The following CSNK1G1 variants were observed in gnomAD, a reference collection of about 807,000 sequenced individuals.
The protein encoded by CSNK1G1 is casein kinase 1 gamma 1.
Under a neutral mutation model 59.6 loss-of-function variants are expected in CSNK1G1, and 22 were observed. That is an observed-to-expected ratio of 0.37 (90% confidence interval 0.26 to 0.53). The LOEUF is 0.53. Among genes scored for constraint, CSNK1G1 ranks in the 20% least tolerant of loss-of-function variants. The pLI is 0.89. For synonymous variants in CSNK1G1, 179 were observed against 177.1 expected (o/e 1.01, Z -0.08); for missense variants, 384 against 519.5 (o/e 0.74, Z 2.54).
intron 4 of CSNK1G1, among the ~76,000 whole-genome samples, chr15:64,235,471 T>C (rs1449356160): frequency 6.6e-6 from 1 of 152,186 alleles, no homozygotes; most frequent in African/African-American, 2.4e-5. Flanking sequence ...GTCTGAGAAA[T>C]CATGGCAAAC....
At chr15:64,277,631 T>C (rs1217163267) in intron 2 of CSNK1G1, among the ~76,000 whole-genome samples, 2 of 137,608 alleles carry the variant, frequency 1.5e-5, no homozygotes, top group East Asian at 2.0e-4. Flanking sequence ...TTTAATATAT[T>C]AATATTAATA....
chr15:64,288,493 C>T (rs888172410), intron 2 of CSNK1G1, among the ~76,000 whole-genome samples: 2 of 151,526 alleles, frequency 1.3e-5, no homozygotes, highest in African/African-American at 4.9e-5. Flanking sequence ...ATCTATGTAA[C>T]CTAGTTATTG....
intron 1 of CSNK1G1, among the ~76,000 whole-genome samples, chr15:64,344,732 C>A (rs542124562): frequency 2.6e-5 from 4 of 152,310 alleles, no homozygotes; most frequent in Non-Finnish European, 5.9e-5. Flanking sequence ...ACACTGAATT[C>A]CAGTGTGACT....
chr15:64,322,219 G>C (rs771513832), intron 1 of CSNK1G1, among the ~76,000 whole-genome samples: 1 of 151,918 alleles, frequency 6.6e-6, no homozygotes, highest in Non-Finnish European at 1.5e-5. Context: ...TCCTAGTTTT[G>C]TGCATGAAAT....
In CSNK1G1 at chr15:64,213,943, T is replaced by C; in HGVS notation, c.626A>G (p.Lys209Arg). The C allele has an allele frequency of 6.2e-7, 1 of 1,614,200 alleles. No homozygotes were observed. Among genetic ancestry groups the C allele is most frequent in the Non-Finnish European group, 8.5e-7 (1 of 1,180,018 alleles). ...ATATCTTGCAGTTCCAGTTAAACTT[T>C]TGTGTTCCCTATAAGGTATGTGTTT... ...TKKHIPYREHKSLTGTARYMS... is the reference protein window; with the variant it reads ...TKKHIPYREHRSLTGTARYMS... Residue 209 changes from lysine (K) to arginine (R), a missense_variant, in exon 6 of 12, where the codon AAA becomes AGA. By Grantham distance (26) the Lys-to-Arg change is conservative (BLOSUM62 2). Transcript: ENST00000303052.
chr15:64,204,942 G>A lies in CSNK1G1; in HGVS notation c.773C>T (p.Thr258Ile), dbSNP rs373639909. 12 of 1,585,024 alleles carry A rather than the reference G, an allele frequency of 7.6e-6. No individual in the cohort carries two copies. Among genetic ancestry groups the A allele is most frequent in the Admixed American group, 1.7e-5 (1 of 59,882 alleles). Residue 258 changes from threonine (T) to isoleucine (I), a missense_variant, in exon 8 of 12, where the codon ACA becomes ATA. By Grantham distance (89) the Thr-to-Ile change is moderately conservative. Around this residue, in one of 3 missense-constraint regions of CSNK1G1, gnomAD observed 325 missense variants for 440.9 expected, o/e 0.74. Coordinates refer to ENST00000303052, the MANE Select transcript of CSNK1G1 (RefSeq NM_022048.5). ...AATTTTTTGATATCTCTCTTTTAATGTGTCAGCCTGTAGAGAGTAAAGAGA... is the reference window on the plus strand; with the variant it reads ...AATTTTTTGATATCTCTCTTTTAATATGTCAGCCTGTAGAGAGTAAAGAGA... Reference protein sequence around the residue: ...SLPWQGLKADTLKERYQKIGD... With the variant: ...SLPWQGLKADILKERYQKIGD...
intron 4 of CSNK1G1, among the ~76,000 whole-genome samples, chr15:64,222,219 T>C (rs1383755850): frequency 7.0e-6 from 1 of 142,340 alleles, no homozygotes; most frequent in Non-Finnish European, 1.5e-5. Context: ...AAGTGGGAGT[T>C]GAACATTGAG....
chr15:64,351,724 C>A (rs1344499678), intron 1 of CSNK1G1, among the ~76,000 whole-genome samples: 2 of 152,014 alleles, frequency 1.3e-5, no homozygotes, highest in Admixed American at 1.3e-4. Flanking sequence ...ACTAAAAATA[C>A]AAAAATTAGC....
rs1302049349 is a variant in CSNK1G1 at position 64,176,027 on chromosome 15, T to C, written c.1215-4042A>G. 6.6e-6 allele frequency among the ~76,000 whole-genome samples: 1 copy of C among 152,258 alleles called. No homozygotes were observed. Among genetic ancestry groups the C allele is most frequent in the Non-Finnish European group, 1.5e-5 (1 of 68,050 alleles). ...GATAATTTTGGATACTGTGGGATAC[T>C]GTTATGGCAGGAGGAGACAGCGATA... On this transcript the variant is annotated intron_variant, in intron 11 of 11. Coordinates refer to ENST00000303052, the MANE Select transcript of CSNK1G1 (RefSeq NM_022048.5). The surrounding 1 kb of genome is among the most constrained non-coding windows in gnomAD (Gnocchi z 5.2).
chr15:64,227,012 T>G (rs565144189), intron 4 of CSNK1G1, among the ~76,000 whole-genome samples: 1 of 152,246 alleles, frequency 6.6e-6, no homozygotes, highest in Admixed American at 6.5e-5. Flanking sequence ...GTTAATTTTT[T>G]GTATGTCAGC....
chr15:64,174,253 T>C (rs970443857), intron 11 of CSNK1G1, among the ~76,000 whole-genome samples: 2 of 152,242 alleles, frequency 1.3e-5, no homozygotes, highest in African/African-American at 2.4e-5. Context: ...ATATCATAAC[T>C]GGATGTGCAA....
At chr15:64,231,681 T>A (rs968226948) in intron 4 of CSNK1G1, among the ~76,000 whole-genome samples, 18 of 152,188 alleles carry the variant, frequency 1.2e-4, no homozygotes, top group Admixed American at 1.0e-3. Flanking sequence ...AGTCGTTTTT[T>A]AAAGCTCAGC....
At chr15:64,284,048 T>C (rs541147171) in intron 2 of CSNK1G1, among the ~76,000 whole-genome samples, 1 of 152,306 alleles carries the variant, frequency 6.6e-6, no homozygotes, top group South Asian at 2.1e-4. Context: ...CTTGAATCTT[T>C]TGATTGTGGC....
At chr15:64,286,728 C>A (rs568657187) in intron 2 of CSNK1G1, among the ~76,000 whole-genome samples, 2 of 152,138 alleles carry the variant, frequency 1.3e-5, no homozygotes, top group Non-Finnish European at 2.9e-5. Flanking sequence ...TGGAAATCTA[C>A]CCCTAGCCTT....
At chr15:64,253,240 G>A (rs1211704328) in intron 3 of CSNK1G1, among the ~76,000 whole-genome samples, 5 of 152,160 alleles carry the variant, frequency 3.3e-5, no homozygotes, top group Admixed American at 3.3e-4. Context: ...AGCTACTCAG[G>A]AGGATGAGGT....
chr15:64,181,319 T>G (rs1750784225), intron 10 of CSNK1G1: 1 of 1,535,968 alleles, frequency 6.5e-7, no homozygotes, highest in Admixed American at 2.0e-5. Flanking sequence ...GTGTAGCTGC[T>G]TCTGCCACCT....
intron 2 of CSNK1G1, among the ~76,000 whole-genome samples, chr15:64,270,992 T>C (rs1453906112): frequency 1.3e-5 from 2 of 152,160 alleles, no homozygotes; most frequent in East Asian, 3.8e-4. Context: ...TATTTATTTA[T>C]TTATTTTTGA....
At chr15:64,254,918 A>C (rs977412377) in intron 3 of CSNK1G1, among the ~76,000 whole-genome samples, 3 of 152,322 alleles carry the variant, frequency 2.0e-5, no homozygotes, top group Admixed American at 6.5e-5. Flanking sequence ...AAAATATTAT[A>C]GTTTCAATCT....
chr15:64,245,403 C>T (rs1891699119), intron 4 of CSNK1G1, among the ~76,000 whole-genome samples: 2 of 152,020 alleles, frequency 1.3e-5, no homozygotes, highest in Admixed American at 1.3e-4. Flanking sequence ...TCAAACAACT[C>T]AATAGCAAAA....
Sources: gnomAD v4.1 joint callset for allele counts (sites outside exome capture counted in the v4.1 genomes callset) on GRCh38, gnomAD v4.1.1 for gene constraint, gnomAD v4.1.1 regional missense constraint, Gnocchi (gnomAD v3.1) non-coding constraint, MANE v1.5 for transcripts, NCBI Gene and HGNC (gene_info 2026-07-23, HGNC 2026-07-21) for gene names.